The following TAB2 variants were observed in gnomAD, a reference collection of about 807,000 sequenced individuals.
TAB2 encodes TGF-beta activated kinase 1 (MAP3K7) binding protein 2.
In TAB2, 3 loss-of-function variants were observed where a neutral mutation model predicts 65.0. The observed-to-expected ratio is 0.05, with a 90% CI of 0.02 to 0.12. TAB2 has a LOEUF of 0.12. TAB2 is among the 10% of genes least tolerant of loss of function. The probability of loss-of-function intolerance (pLI) is 1.00; values close to 1 mark genes in which losing one functional copy is unlikely to be tolerated. For missense variants in TAB2, 623 were observed against 840.3 expected, an observed-to-expected ratio of 0.74 and a Z score of 3.20; for synonymous variants, 298 against 285.1, an observed-to-expected ratio of 1.05 and a Z score of -0.46.
intron 1 of TAB2, among the ~76,000 whole-genome samples, chr6:149,329,889 A>G (rs1779732460): frequency 6.6e-6 from 1 of 152,166 alleles, no homozygotes; most frequent in Admixed American, 6.5e-5. Context: ...CTGTAACATT[A>G]TTATGTATAT....
chr6:149,403,331 C>CACATAT (rs1562456585), intron 6 of TAB2, among the ~76,000 whole-genome samples: 508 of 33,726 alleles, frequency 0.015, 19 homozygotes, highest in African/African-American at 0.049. Flanking sequence ...CATATATATA[C>CACATAT]ATATATATAC....
At chr6:149,257,077 A>G (rs1029342552) in intron 1 of TAB2, among the ~76,000 whole-genome samples, 1 of 152,242 alleles carries the variant, frequency 6.6e-6, no homozygotes, top group Non-Finnish European at 1.5e-5. Flanking sequence ...AAATTGCCAC[A>G]GTCAGAGTGG....
rs143074587 is a variant in TAB2, at chr6:149,389,602, G to A, written c.1604-8002G>A. Among the ~76,000 whole-genome samples, 657 of 143,060 alleles carry A rather than the reference G, an allele frequency of 4.6e-3. 4 individuals carry two copies. Among genetic ancestry groups the A allele is most frequent in the African/African-American group, 0.017 (635 of 37,662 alleles). 93.9% of individuals were successfully genotyped at this position (143,060 alleles called of 152,430 possible). On this transcript the variant is annotated intron_variant, in intron 3 of 6. Coordinates refer to ENST00000637181, the MANE Select transcript of TAB2 (RefSeq NM_001292034.3). The stretch of plus-strand genomic sequence containing the variant: ...GGAGGTTGTGGTGAGCCAAGATCAC[G>A]CCATTGCACTCCAGCCTGGGCAACA...
At position 149,369,956 on chromosome 6, in the gene TAB2, A is replaced by G; in HGVS notation, c.-42A>G. 1 of 1,532,194 alleles carries G rather than the reference A, an allele frequency of 6.5e-7. No individual in the cohort carries two copies. The highest frequency in any genetic ancestry group is 1.1e-5 in the South Asian group (1 of 89,404). 94.9% of individuals were successfully genotyped at this position (1,532,194 alleles called of 1,614,324 possible). Reference sequence around the variant, plus strand: ...GAGTACTATTTCCACTAAGGCCTAGAATTGCCTACTGTACAAATAGTCCTG... The same window carrying G: ...GAGTACTATTTCCACTAAGGCCTAGGATTGCCTACTGTACAAATAGTCCTG... On this transcript the variant is annotated 5_prime_UTR_variant, in exon 2 of 7. Coordinates refer to ENST00000637181, the MANE Select transcript of TAB2 (RefSeq NM_001292034.3).
intron 1 of TAB2, among the ~76,000 whole-genome samples, chr6:149,254,365 T>C (rs1242552729): frequency 6.6e-6 from 1 of 152,168 alleles, no homozygotes; most frequent in African/African-American, 2.4e-5. Context: ...TTGGTGCATG[T>C]CTTTATGGTT....
intron 1 of TAB2, among the ~76,000 whole-genome samples, chr6:149,369,095 G>A (rs573003722): frequency 1.3e-5 from 2 of 151,994 alleles, no homozygotes; most frequent in African/African-American, 4.8e-5. Flanking sequence ...CTAATGAAAG[G>A]TATTTTCAAA....
chr6:149,339,674 C>T (rs1334562215), intron 1 of TAB2, among the ~76,000 whole-genome samples: 1 of 150,610 alleles, frequency 6.6e-6, no homozygotes, highest in Non-Finnish European at 1.5e-5. Flanking sequence ...TTGCAGCCCA[C>T]TGCAACCTCC....
rs144002438 is a variant in TAB2 at position 149,220,427 on chromosome 6, A to T, written c.-121+1651A>T. On this transcript the variant is annotated intron_variant, in intron 1 of 1. Transcript: ENST00000606202. Reference sequence around the variant, plus strand: ...ATATTTCACTATGAATACACACACGATTACGGGACACCATGCGTTGGTCAT... The same window carrying T: ...ATATTTCACTATGAATACACACACGTTTACGGGACACCATGCGTTGGTCAT... Among the ~76,000 whole-genome samples, 75 of 152,318 alleles carry T rather than the reference A, an allele frequency of 4.9e-4. 1 individual carries two copies. The East Asian group carries it at 0.013, about 27-fold the overall frequency.
chr6:149,314,432 A>G (rs1779215989), upstream of TAB2, among the ~76,000 whole-genome samples: 1 of 152,202 alleles, frequency 6.6e-6, no homozygotes, highest in African/African-American at 2.4e-5. Context: ...ACAGATACAC[A>G]GAATGAAGTG....
At chr6:149,223,759 T>C (rs1192166075) in intron 1 of TAB2, among the ~76,000 whole-genome samples, 4 of 152,214 alleles carry the variant, frequency 2.6e-5, no homozygotes, top group African/African-American at 9.6e-5. Flanking sequence ...CTGCTTGCAT[T>C]TTCTGGACAT....
At chr6:149,285,893 T>C (rs1008935560) in intron 1 of TAB2, among the ~76,000 whole-genome samples, 3 of 152,150 alleles carry the variant, frequency 2.0e-5, no homozygotes, top group African/African-American at 2.4e-5. Flanking sequence ...TTTGCATTTC[T>C]AGCAAGTTCC....
At chr6:149,403,245 AAAATATAT>A (rs1255148858) in intron 6 of TAB2, among the ~76,000 whole-genome samples, 46 of 47,172 alleles carry the variant, frequency 9.8e-4, no homozygotes, top group South Asian at 1.6e-3. Context: ...AAAAAAAAAA[AAAATATAT>A]ATATATATAT....
chr6:149,273,377 C>T (rs1375831635), intron 1 of TAB2, among the ~76,000 whole-genome samples: 1 of 152,156 alleles, frequency 6.6e-6, no homozygotes, highest in Non-Finnish European at 1.5e-5. Flanking sequence ...TGGCATGGAA[C>T]AAACATTTCA....
chr6:149,321,857 T>A (rs1779465651), intron 1 of TAB2, among the ~76,000 whole-genome samples: 1 of 152,136 alleles, frequency 6.6e-6, no homozygotes, highest in Non-Finnish European at 1.5e-5. Flanking sequence ...AAAAGTACAT[T>A]TGTTCAAAAT....
At chr6:149,407,168 A>T (rs1033126015) in intron 6 of TAB2, among the ~76,000 whole-genome samples, 1 of 152,222 alleles carries the variant, frequency 6.6e-6, no homozygotes, top group Non-Finnish European at 1.5e-5. Flanking sequence ...CAGAGACTAG[A>T]TGCTATTTGG....
chr6:149,227,283 T>A (rs567434630), intron 1 of TAB2, among the ~76,000 whole-genome samples: 2 of 152,182 alleles, frequency 1.3e-5, no homozygotes, highest in Non-Finnish European at 2.9e-5. Flanking sequence ...TTAATTACAA[T>A]CTTCTCTTTG....
intron 1 of TAB2, among the ~76,000 whole-genome samples, chr6:149,261,650 G>A (rs6914987): frequency 0.3 from 46,075 of 152,054 alleles, 7,588 homozygotes; most frequent in East Asian, 0.46. Flanking sequence ...TATATTTAAT[G>A]ATAGCTAACT....
intron 1 of TAB2, among the ~76,000 whole-genome samples, chr6:149,278,471 G>A (rs536418274): frequency 6.6e-6 from 1 of 152,160 alleles, no homozygotes; most frequent in Non-Finnish European, 1.5e-5. Context: ...TAATAAAAGT[G>A]GGACAAATTG....
At chr6:149,327,495 T>C (rs1779654626) in intron 1 of TAB2, among the ~76,000 whole-genome samples, 1 of 152,178 alleles carries the variant, frequency 6.6e-6, no homozygotes, top group African/African-American at 2.4e-5. Flanking sequence ...AGGCAATTAG[T>C]GACCTGATAA....
Sources: gnomAD v4.1 joint callset for allele counts (sites outside exome capture counted in the v4.1 genomes callset) on GRCh38, gnomAD v4.1.1 for gene constraint, MANE v1.5 for transcripts, NCBI Gene and HGNC (gene_info 2026-07-23, HGNC 2026-07-21) for gene names.